MET: variants seen among roughly 807,000 people sequenced by gnomAD.
The protein encoded by MET is MET proto-oncogene, receptor tyrosine kinase.
Under a neutral mutation model 133.1 loss-of-function variants are expected in MET, and 48 were observed. The ratio of observed to expected loss-of-function variants is 0.36; its 90% CI spans 0.29 to 0.46. MET has a LOEUF of 0.46. MET is among the 20% of genes least tolerant of loss of function. The pLI, the probability that MET is intolerant of heterozygous loss-of-function variation, is 1.00. For synonymous variants in MET, 628 were observed against 616.5 expected (o/e 1.02, Z -0.28); for missense variants, 1,442 against 1,695.9 (o/e 0.85, Z 2.63).
chr7:116,765,519 G>A (rs902799906), intron 11 of MET, among the ~76,000 whole-genome samples: 2 of 151,974 alleles, frequency 1.3e-5, no homozygotes, highest in Non-Finnish European at 2.9e-5. Flanking sequence ...GCAAAAGGGC[G>A]AGCCAGGTTT....
intron 1 of MET, among the ~76,000 whole-genome samples, chr7:116,680,776 T>C (rs1339806853): frequency 6.6e-6 from 1 of 151,844 alleles, no homozygotes; most frequent in Non-Finnish European, 1.5e-5. Context: ...ACCCCCCTCT[T>C]AAAAAAATTA....
At chr7:116,696,046 TG>T (rs1796955221) in intron 1 of MET, among the ~76,000 whole-genome samples, 1 of 152,124 alleles carries the variant, frequency 6.6e-6, no homozygotes, top group African/African-American at 2.4e-5. Context: ...CTAATTTTTT[TG>T]TAGTAGAGAT....
At chr7:116,792,348 G>A (rs1795528304) in intron 19 of MET, among the ~76,000 whole-genome samples, 1 of 151,988 alleles carries the variant, frequency 6.6e-6, no homozygotes, top group Non-Finnish European at 1.5e-5. Context: ...CATACAGTAA[G>A]CACGGATGAT....
chr7:116,690,365 T>C (rs1796737085), intron 1 of MET, among the ~76,000 whole-genome samples: 1 of 152,114 alleles, frequency 6.6e-6, no homozygotes, highest in Admixed American at 6.5e-5. Flanking sequence ...CATATTCACA[T>C]CCCATCTAAG....
intron 2 of MET, among the ~76,000 whole-genome samples, chr7:116,729,692 T>A (rs934486624): frequency 6.6e-6 from 1 of 152,202 alleles, no homozygotes; most frequent in Non-Finnish European, 1.5e-5. Flanking sequence ...GTCCCCATCG[T>A]CTACCCCAGA....
chr7:116,726,682 T>C (rs770140466), intron 2 of MET, among the ~76,000 whole-genome samples: 16 of 152,232 alleles, frequency 1.1e-4, no homozygotes, highest in Admixed American at 1.3e-4. Flanking sequence ...CTGAGATTCA[T>C]TGGATGTCCT....
chr7:116,724,684 A>T, intron 2 of MET: 1 of 534,964 alleles, frequency 1.9e-6, no homozygotes, highest in South Asian at 1.5e-5. Flanking sequence ...GAATCGGAAA[A>T]AAAATCAGCA....
chr7:116,753,603 GA>G (rs1196187276), intron 5 of MET, among the ~76,000 whole-genome samples: 1 of 152,022 alleles, frequency 6.6e-6, no homozygotes, highest in Non-Finnish European at 1.5e-5. Context: ...CCATCAGGGG[GA>G]AAAATTTAAT....
intron 10 of MET, among the ~76,000 whole-genome samples, chr7:116,760,530 T>G (rs1794359274): frequency 6.6e-6 from 1 of 152,178 alleles, no homozygotes; most frequent in South Asian, 2.1e-4. Context: ...AGCACTCAAC[T>G]CAGAATGAAA....
chr7:116,720,484 T>C (rs1419221783), intron 2 of MET, among the ~76,000 whole-genome samples: 1 of 135,456 alleles, frequency 7.4e-6, no homozygotes, highest in Non-Finnish European at 1.5e-5. Flanking sequence ...TATTTCCTTC[T>C]CCTGCCTGAT....
intron 5 of MET, among the ~76,000 whole-genome samples, chr7:116,755,008 G>GAAAGAAAGA (rs1554394813): frequency 2.0e-5 from 3 of 149,794 alleles, no homozygotes; most frequent in African/African-American, 7.4e-5. Flanking sequence ...AAGAAAGAAA[G>GAAAGAAAGA]AAAGAAAGAA....
chr7:116,719,847 A>G (rs1383828081), intron 2 of MET, among the ~76,000 whole-genome samples: 3 of 151,914 alleles, frequency 2.0e-5, no homozygotes, highest in Non-Finnish European at 4.4e-5. Flanking sequence ...CCATTGATCT[A>G]TATCTCTGTT....
intron 2 of MET, among the ~76,000 whole-genome samples, chr7:116,716,481 GAAAGAAAGA>G: frequency 8.1e-6 from 1 of 123,508 alleles, no homozygotes; most frequent in Non-Finnish European, 1.7e-5. Context: ...AAGAAAGAAA[GAAAGAAAGA>G]AAGAAAGAAA....
rs1437396710 is a variant in MET, at chr7:116,758,448, T to C, written c.2103-11T>C. On this transcript the variant is annotated splice_polypyrimidine_tract_variant and intron_variant, in intron 8 of 20. Transcript: ENST00000397752. The stretch of plus-strand genomic sequence containing the variant: ...TAGCTAAAATTCACTTCCTTAATTT[T>C]TTTTGTTCAGTGTGTCAAACAGTAT... 1 of 1,612,856 alleles carries C rather than the reference T, an allele frequency of 6.2e-7. No homozygotes were observed. Among genetic ancestry groups the C allele is most frequent in the African/African-American group, 1.3e-5 (1 of 74,886 alleles).
intron 1 of MET, among the ~76,000 whole-genome samples, chr7:116,674,737 C>T (rs1030771245): frequency 1.8e-4 from 27 of 152,334 alleles, no homozygotes; most frequent in Admixed American, 1.2e-3. Context: ...CCTCTTCCTC[C>T]TCAACCCTTT....
chr7:116,690,540 G>A (rs990070124), intron 1 of MET, among the ~76,000 whole-genome samples: 3 of 152,208 alleles, frequency 2.0e-5, no homozygotes, highest in African/African-American at 7.2e-5. Flanking sequence ...CATTGTCAAG[G>A]TAGTGTCTGG....
At chr7:116,710,048 A>G (rs1584888885) in intron 2 of MET, among the ~76,000 whole-genome samples, 1 of 152,310 alleles carries the variant, frequency 6.6e-6, no homozygotes, top group South Asian at 2.1e-4. Context: ...TAGTAAGAGT[A>G]ATTGAGAAGT....
intron 2 of MET, among the ~76,000 whole-genome samples, chr7:116,707,294 A>G (rs886903536): frequency 6.6e-6 from 1 of 152,126 alleles, no homozygotes; most frequent in Non-Finnish European, 1.5e-5. Context: ...AACAAACAAA[A>G]AAAAACCATT....
chr7:116,712,567 A>T (rs796323371), intron 2 of MET, among the ~76,000 whole-genome samples: 4 of 152,338 alleles, frequency 2.6e-5, no homozygotes, highest in African/African-American at 9.6e-5. Flanking sequence ...TTATTTAGAT[A>T]AAACAGTTTT....
Sources: gnomAD v4.1 joint callset for allele counts (sites outside exome capture counted in the v4.1 genomes callset) on GRCh38, gnomAD v4.1.1 for gene constraint, MANE v1.5 for transcripts, NCBI Gene and HGNC (gene_info 2026-07-23, HGNC 2026-07-21) for gene names.